The following LRRC4C variants were observed in gnomAD, a reference collection of about 807,000 sequenced individuals.
The protein encoded by LRRC4C is leucine rich repeat containing 4C, also known as leucine-rich repeat-containing protein 4C.
In LRRC4C, 5 loss-of-function variants were observed where a neutral mutation model predicts 33.6. The ratio of observed to expected loss-of-function variants is 0.15; its 90% confidence interval spans 0.08 to 0.31. The LOEUF is 0.31. LRRC4C is among the 10% of genes least tolerant of loss of function. The pLI is 1.00. For synonymous variants in LRRC4C, 329 were observed against 302.0 expected (o/e 1.09, Z -0.93); for missense variants, 560 against 796.7 (o/e 0.70, Z 3.58).
rs116804637 is a variant in LRRC4C at position 41,010,670 on chromosome 11, T to C, written c.-495-76947A>G. On this transcript the variant is annotated intron_variant, in intron 1 of 6. Coordinates refer to ENST00000528697, the MANE Select transcript of LRRC4C (RefSeq NM_001258419.2). ...TGTGGCTCAGTCTAGGCTAAGCAAG[T>C]GAAATCATATTTTTGAGAGAGATTA... Among the ~76,000 whole-genome samples, 734 of 152,326 alleles carry C rather than the reference T, an allele frequency of 4.8e-3. 6 individuals carry two copies. Among genetic ancestry groups the C allele is most frequent in the African/African-American group, 0.017 (703 of 41,580 alleles).
In LRRC4C at chr11:40,952,882, ACACACACACACACACTCTCT is replaced by A. The variant is rs1385971735; in HGVS notation, c.-495-19179_-495-19160del. ...CACACACACACACACACACACACACACACACACACACACACTCTCTCTCTCTCTCTCTCTCTCTCTCTTTC... is the reference window on the plus strand; with the variant it reads ...CACACACACACACACACACACACACACTCTCTCTCTCTCTCTCTCTCTTTC... On this transcript the variant is annotated intron_variant, in intron 1 of 6. Transcript: ENST00000528697. Among the ~76,000 whole-genome samples the A allele has an allele frequency of 5.6e-3, 635 of 114,000 alleles. 5 individuals are homozygous for A. Among genetic ancestry groups the A allele is most frequent in the African/African-American group, 0.016 (541 of 34,472 alleles). The allele number at this position is 114,000 out of a possible 152,430, so 74.8% of individuals were successfully genotyped here.
At chr11:41,005,696 C>T (rs532506428) in intron 1 of LRRC4C, among the ~76,000 whole-genome samples, 4 of 152,250 alleles carry the variant, frequency 2.6e-5, no homozygotes, top group African/African-American at 9.6e-5. Flanking sequence ...GCTGGCTTCC[C>T]TTTGCCTCCT....
At chr11:40,662,530 A>G (rs1385243126) in intron 2 of LRRC4C, among the ~76,000 whole-genome samples, 3 of 152,186 alleles carry the variant, frequency 2.0e-5, no homozygotes, top group Non-Finnish European at 4.4e-5. Context: ...ACAGTAGGGG[A>G]CTATCGGGAG....
intron 3 of LRRC4C, among the ~76,000 whole-genome samples, chr11:40,624,271 T>A (rs752977909): frequency 2.0e-5 from 3 of 152,160 alleles, no homozygotes; most frequent in Non-Finnish European, 2.9e-5. Context: ...CAGAAAATTA[T>A]AAAACTTGGT....
intron 3 of LRRC4C, among the ~76,000 whole-genome samples, chr11:40,529,007 G>C (rs1196337226): frequency 6.6e-6 from 1 of 152,080 alleles, no homozygotes; most frequent in Non-Finnish European, 1.5e-5. Context: ...GAGAGTTGCT[G>C]TTCAATTGGT....
At chr11:40,811,188 A>T (rs1250179364) in intron 2 of LRRC4C, among the ~76,000 whole-genome samples, 12 of 151,916 alleles carry the variant, frequency 7.9e-5, no homozygotes, top group African/African-American at 2.4e-4. Flanking sequence ...TCTTTTCTTC[A>T]CACAGATCTC....
rs536058574 is a variant in LRRC4C, at chr11:40,337,269, G to T, written c.-269-17548C>A. 4.6e-5 allele frequency among the ~76,000 whole-genome samples: 7 copies of T among 152,274 alleles called. No homozygotes were observed. In the South Asian group the frequency reaches 1.2e-3, roughly 27 times the overall value. On this transcript the variant is annotated intron_variant, in intron 3 of 6. Transcript: ENST00000528697. The stretch of plus-strand genomic sequence containing the variant: ...GAGAATCAGAGGACAGACCAGTAAG[G>T]CTTTACAGACGAAGGTAAAGACTGT...
intron 1 of LRRC4C, among the ~76,000 whole-genome samples, chr11:41,098,746 A>AT (rs572869536): frequency 1.2e-4 from 19 of 152,156 alleles, no homozygotes; most frequent in African/African-American, 4.3e-4. Context: ...TGAAAAAGTA[A>AT]TTTTTTAACA....
intron 2 of LRRC4C, among the ~76,000 whole-genome samples, chr11:40,906,675 T>G (rs2136229153): frequency 6.6e-6 from 1 of 152,268 alleles, no homozygotes; most frequent in South Asian, 2.1e-4. Context: ...CTCCAATATG[T>G]CTGAGTATGT....
chr11:41,294,360 T>C (rs748695050), intron 1 of LRRC4C, among the ~76,000 whole-genome samples: 10 of 152,196 alleles, frequency 6.6e-5, no homozygotes, highest in Non-Finnish European at 1.5e-4. Context: ...GGGCTCTCAC[T>C]TACTTAGTCA....
At chr11:41,027,295 A>G (rs1054167541) in intron 1 of LRRC4C, among the ~76,000 whole-genome samples, 1 of 151,738 alleles carries the variant, frequency 6.6e-6, no homozygotes, top group African/African-American at 2.4e-5. Context: ...GCAAGCTTGT[A>G]TTAGTACTAC....
intron 1 of LRRC4C, among the ~76,000 whole-genome samples, chr11:41,021,206 AGAGAGAGAGT>A (rs1362520526): frequency 7.6e-4 from 64 of 84,156 alleles, no homozygotes; most frequent in East Asian, 7.3e-3. Flanking sequence ...AGAGAGAGAG[AGAGAGAGAGT>A]GTGTGTGTGT....
At chr11:41,339,263 A>C (rs1951554950) in intron 1 of LRRC4C, among the ~76,000 whole-genome samples, 1 of 152,196 alleles carries the variant, frequency 6.6e-6, no homozygotes, top group Non-Finnish European at 1.5e-5. Flanking sequence ...CCAAGATTCT[A>C]CCTAAATAAA....
chr11:40,300,402 C>G (rs570779137), intron 4 of LRRC4C, among the ~76,000 whole-genome samples: 1 of 152,274 alleles, frequency 6.6e-6, no homozygotes, highest in South Asian at 2.1e-4. Flanking sequence ...GGACAAAGAA[C>G]AAAACGCATT....
At chr11:41,258,024 G>A (rs908283161) in intron 1 of LRRC4C, among the ~76,000 whole-genome samples, 4 of 151,850 alleles carry the variant, frequency 2.6e-5, no homozygotes, top group Non-Finnish European at 4.4e-5. Flanking sequence ...GCTAGGTAAC[G>A]ATATATAATT....
chr11:40,686,800 C>T lies in LRRC4C; in HGVS notation c.-406-38522G>A, dbSNP rs775834351. ...ACCATATTATAGGGTACATCTGCTA[C>T]GAGATTGGTAGAGTACCTAAAGACT... On this transcript the variant is annotated intron_variant, in intron 2 of 6. Transcript: ENST00000528697. 9.2e-5 allele frequency among the ~76,000 whole-genome samples: 14 copies of T among 152,100 alleles called. No individual in the cohort carries two copies. The Middle Eastern group carries it at 0.01, about 111-fold the overall frequency.
chr11:40,152,560 C>T (rs1318965898), intron 5 of LRRC4C, among the ~76,000 whole-genome samples: 2 of 152,174 alleles, frequency 1.3e-5, no homozygotes. Context: ...TTTCAAGTCC[C>T]TCTCGCCCTC....
chr11:41,439,906 T>C lies in LRRC4C; in HGVS notation c.-496+19525A>G, dbSNP rs527629911. On this transcript the variant is annotated intron_variant, in intron 1 of 6. Transcript: ENST00000528697. ...GTAGATTCTAGATATTAGTCCTCTGTTGGATGCATAGTTTGCAAATACTTC... is the reference window on the plus strand; with the variant it reads ...GTAGATTCTAGATATTAGTCCTCTGCTGGATGCATAGTTTGCAAATACTTC... Among the ~76,000 whole-genome samples, 22 of 152,324 alleles carry C rather than the reference T, an allele frequency of 1.4e-4. No individual in the cohort carries two copies. The Middle Eastern group carries it at 0.01, about 71-fold the overall frequency.
intron 2 of LRRC4C, among the ~76,000 whole-genome samples, chr11:40,693,799 A>G (rs1945344113): frequency 6.6e-6 from 1 of 152,086 alleles, no homozygotes; most frequent in African/African-American, 2.4e-5. Flanking sequence ...AAGAGGAGGG[A>G]AAATAAAAGG....
Sources: gnomAD v4.1 joint callset for allele counts (sites outside exome capture counted in the v4.1 genomes callset) on GRCh38, gnomAD v4.1.1 for gene constraint, MANE v1.5 for transcripts, NCBI Gene and HGNC (gene_info 2026-07-23, HGNC 2026-07-21) for gene names.